HERC2: variants seen among roughly 807,000 people sequenced by gnomAD.
The protein encoded by HERC2 is HECT and RLD domain containing E3 ubiquitin protein ligase 2, also known as E3 ubiquitin-protein ligase HERC2.
Under a neutral mutation model 537.7 loss-of-function variants are expected in HERC2, and 102 were observed. The ratio of observed to expected loss-of-function variants is 0.19; its 90% CI spans 0.16 to 0.22. The LOEUF (loss-of-function observed/expected upper bound fraction) is 0.22. HERC2 is among the 10% of genes least tolerant of loss of function. HERC2 has a pLI of 1.00. For missense variants in HERC2, 4,236 were observed against 6,198.2 expected (o/e 0.68, Z 10.63); for synonymous variants, 2,224 against 2,466.2 (o/e 0.90, Z 2.91).
At chr15:28,316,264 T>G (rs1227971123) in intron 2 of HERC2, among the ~76,000 whole-genome samples, 7 of 139,958 alleles carry the variant, frequency 5.0e-5, no homozygotes, top group Non-Finnish European at 1.0e-4. Flanking sequence ...GTCATCAAAG[T>G]CCTACGGCTA....
At chr15:28,271,646 G>A (rs1156456690) in intron 9 of HERC2, among the ~76,000 whole-genome samples, 1 of 152,028 alleles carries the variant, frequency 6.6e-6, no homozygotes, top group East Asian at 1.9e-4. Context: ...TCCAGCCTGG[G>A]CGACAGAGCA....
intron 52 of HERC2, 116 bp from the exon 53 acceptor site, chr15:28,192,267 G>C: frequency 1.1e-6 from 1 of 881,714 alleles, no homozygotes. Context: ...GTTTCAAACT[G>C]AAAGGAGTTA....
chr15:28,163,148 C>T lies in HERC2; in HGVS notation c.10692G>A (p.Arg3564=), dbSNP rs377609546. 1.3e-4 allele frequency: 202 copies of T among 1,612,882 alleles called. 2 individuals carry two copies. In the Admixed American group the frequency reaches 3.3e-3, roughly 26 times the overall value. The change falls in exon 69 of 93, where the codon AGG becomes AGA. Residue 3564 remains arginine, a synonymous_variant. Transcript: ENST00000261609. ...GCACCGCGGAGAGCACATCCCTGCC[C>T]CTGTCCCCGGCCCGGCTGCACACTG... The part of the protein sequence containing the change: ...KLSVCSRAGD[R]GRDVLSAVLS...
intron 87 of HERC2, 38 bp downstream of exon 87, chr15:28,116,975 C>A (rs747491105): frequency 1.2e-6 from 2 of 1,613,434 alleles, no homozygotes; most frequent in African/African-American, 1.3e-5. Context: ...CGACCACTGC[C>A]GGGGACACAG....
intron 31 of HERC2, among the ~76,000 whole-genome samples, chr15:28,230,061 A>T (rs991000415): frequency 2.0e-5 from 3 of 152,244 alleles, no homozygotes; most frequent in African/African-American, 4.8e-5. Context: ...CTTGGCATAC[A>T]AAGCTAAGTT....
At chr15:28,254,948 C>T (rs544843276) in intron 19 of HERC2, among the ~76,000 whole-genome samples, 20 of 152,338 alleles carry the variant, frequency 1.3e-4, no homozygotes, top group Admixed American at 1.3e-3. Context: ...GCCCCAGGAC[C>T]TAACAAATTC....
chr15:28,257,334 CGT>C (rs2075293198), intron 16 of HERC2, 73 bp from the exon 17 acceptor site: 2 of 1,304,216 alleles, frequency 1.5e-6, no homozygotes, highest in Non-Finnish European at 2.2e-6. Context: ...GAGTCACCAG[CGT>C]GTGTGATGGA....
Position 28,125,279 on chromosome 15 carries a change from C to A in HERC2, c.12803-86G>T, listed in dbSNP as rs112312024. The A allele has an allele frequency of 9.5e-4, 997 of 1,055,004 alleles. 7 individuals carry two copies. In the African/African-American group the frequency reaches 0.014, roughly 15 times the overall value. 65.4% of individuals were successfully genotyped at this position (1,055,004 alleles called of 1,614,324 possible). On this transcript the variant is annotated intron_variant, in intron 83 of 92. Coordinates refer to ENST00000261609, the MANE Select transcript of HERC2 (RefSeq NM_004667.6). ...CAGTGTCTTCCCACCACACACAGCACCAACGCTCCCTGCCCTTCAGCTGGT... is the reference window on the plus strand; with the variant it reads ...CAGTGTCTTCCCACCACACACAGCAACAACGCTCCCTGCCCTTCAGCTGGT...
In HERC2 at chr15:28,262,357, C is replaced by T. The variant is rs544147274; in HGVS notation, c.2122+561G>A. On this transcript the variant is annotated intron_variant, in intron 15 of 92. Coordinates refer to ENST00000261609, the MANE Select transcript of HERC2 (RefSeq NM_004667.6). ...CTTGCAGAGACTCCCATCCTCTCTG[C>T]CTGCACCGGCAGCCCACACTGAAGG... 5.3e-5 allele frequency among the ~76,000 whole-genome samples: 8 copies of T among 152,316 alleles called. No homozygotes were observed. The South Asian group carries it at 1.7e-3, about 32-fold the overall frequency.
intron 14 of HERC2, among the ~76,000 whole-genome samples, chr15:28,263,934 G>T (rs1013721680): frequency 8.7e-5 from 13 of 149,670 alleles, no homozygotes; most frequent in Non-Finnish European, 1.6e-4. Flanking sequence ...CATGAGAATT[G>T]CTTGACCCCG....
At chr15:28,144,560 C>T in intron 72 of HERC2, 113 bp downstream of exon 72, 1 of 1,446,656 alleles carries the variant, frequency 6.9e-7, no homozygotes, top group Non-Finnish European at 9.5e-7. Flanking sequence ...CACTCCAACA[C>T]AGCAGAAGGC....
intron 36 of HERC2, among the ~76,000 whole-genome samples, chr15:28,221,007 C>T (rs1238266204): frequency 1.4e-5 from 2 of 145,334 alleles, no homozygotes; most frequent in African/African-American, 2.6e-5. Context: ...AGGGTGCGTG[C>T]CCTGCCCTGG....
chr15:28,263,842 G>C (rs1038412583), intron 14 of HERC2, among the ~76,000 whole-genome samples: 1 of 151,762 alleles, frequency 6.6e-6, no homozygotes, highest in Non-Finnish European at 1.5e-5. Flanking sequence ...GACCAGCCTG[G>C]GCAACATGGC....
intron 9 of HERC2, 60 bp downstream of exon 9, chr15:28,272,155 G>A: frequency 6.9e-7 from 1 of 1,448,310 alleles, no homozygotes; most frequent in South Asian, 1.4e-5. Context: ...TGCTAGTCTT[G>A]CTTTAAAAGT....
In HERC2 at chr15:28,285,172, C is replaced by G. The variant is rs140781510; in HGVS notation, c.323-4885G>C. On this transcript the variant is annotated intron_variant, in intron 4 of 92. Coordinates refer to ENST00000261609, the MANE Select transcript of HERC2 (RefSeq NM_004667.6). ...AGAAAAGCTGCCAAGATATAGAATT[C>G]AACATCACCATCAATCAACTGGATC... 2.6e-4 allele frequency among the ~76,000 whole-genome samples: 40 copies of G among 152,194 alleles called. 1 individual carries two copies. The East Asian group carries it at 5.4e-3, about 21-fold the overall frequency.
At chr15:28,314,017 CT>C (rs1291163816) in intron 2 of HERC2, among the ~76,000 whole-genome samples, 2 of 152,174 alleles carry the variant, frequency 1.3e-5, no homozygotes, top group Non-Finnish European at 2.9e-5. Context: ...GTAGACCAGC[CT>C]TTACGGAAAA....
intron 69 of HERC2, among the ~76,000 whole-genome samples, chr15:28,153,335 C>T (rs1409999415): frequency 6.7e-6 from 1 of 149,030 alleles, no homozygotes; most frequent in Non-Finnish European, 1.5e-5. Context: ...CCTGGGTGAC[C>T]CGAGCGAGAC....
intron 4 of HERC2, among the ~76,000 whole-genome samples, chr15:28,288,455 A>T (rs2076220163): frequency 8.0e-6 from 1 of 125,358 alleles, no homozygotes; most frequent in Non-Finnish European, 1.6e-5. Context: ...CCCAGGAGGG[A>T]GGCAGAGGCT....
At chr15:28,167,895 G>T in intron 67 of HERC2, 68 bp from the exon 68 acceptor site, 1 of 1,505,934 alleles carries the variant, frequency 6.6e-7, no homozygotes, top group Non-Finnish European at 9.0e-7. Context: ...CATTTCCTAT[G>T]CAAGTCCCAA....
Sources: gnomAD v4.1 joint callset for allele counts (sites outside exome capture counted in the v4.1 genomes callset) on GRCh38, gnomAD v4.1.1 for gene constraint, MANE v1.5 for transcripts, NCBI Gene and HGNC (gene_info 2026-07-23, HGNC 2026-07-21) for gene names.